SOX5: variants seen among roughly 807,000 people sequenced by gnomAD.
SOX5 encodes transcription factor SOX-5.
Under a neutral mutation model 92.0 loss-of-function variants are expected in SOX5, and 9 were observed. The observed-to-expected ratio is 0.10, with a 90% CI of 0.06 to 0.17. The LOEUF (loss-of-function observed/expected upper bound fraction) is 0.17, where lower values mean the gene tolerates loss of function less well. Among genes scored for constraint, SOX5 ranks in the 10% least tolerant of loss-of-function variants. The pLI, the probability that SOX5 is intolerant of heterozygous loss-of-function variation, is 1.00. For synonymous variants in SOX5, 344 were observed against 336.3 expected (o/e 1.02, Z -0.25); for missense variants, 642 against 944.5 (o/e 0.68, Z 4.20).
intron 10 of SOX5, among the ~76,000 whole-genome samples, chr12:23,570,910 CAAAAAAAAAA>C (rs148593886): frequency 5.0e-3 from 41 of 8,140 alleles, no homozygotes; most frequent in African/African-American, 0.014. Context: ...GACTCCAACT[CAAAAAAAAAA>C]AAAAAAAAAA....
intron 4 of SOX5, among the ~76,000 whole-genome samples, chr12:23,970,234 T>A (rs1366338942): frequency 2.6e-5 from 4 of 151,920 alleles, no homozygotes; most frequent in Non-Finnish European, 4.4e-5. Flanking sequence ...TGACTTCTTT[T>A]TTTTTTGGTT....
rs79599104 is a variant in SOX5, at chr12:23,636,085, C to T, written c.1017+4727G>A. Among the ~76,000 whole-genome samples, 1,267 of 152,178 alleles carry T rather than the reference C, an allele frequency of 8.3e-3. 8 individuals carry two copies. The highest frequency in any genetic ancestry group is 0.013 in the Non-Finnish European group (876 of 68,020). On this transcript the variant is annotated intron_variant, in intron 8 of 14. Coordinates refer to ENST00000451604, the MANE Select transcript of SOX5 (RefSeq NM_006940.6). The stretch of plus-strand genomic sequence containing the variant: ...GTCTGTGAATTTCTGTATATTTCCT[C>T]TTCATAGTCAACAAGCAGTTGGCTA...
intron 4 of SOX5, among the ~76,000 whole-genome samples, chr12:24,122,969 C>A (rs555639706): frequency 1.3e-5 from 2 of 152,166 alleles, no homozygotes; most frequent in African/African-American, 4.8e-5. Flanking sequence ...CAACCAAGGT[C>A]GAGGTTAAAC....
intron 5 of SOX5, among the ~76,000 whole-genome samples, chr12:23,740,236 G>C (rs1195892627): frequency 6.6e-6 from 1 of 152,044 alleles, no homozygotes; most frequent in African/African-American, 2.4e-5. Context: ...TTCCAAACTT[G>C]CTCTTCTGAC....
intron 3 of SOX5, among the ~76,000 whole-genome samples, chr12:23,771,294 C>G (rs2094929747): frequency 6.6e-6 from 1 of 151,844 alleles, no homozygotes; most frequent in Non-Finnish European, 1.5e-5. Flanking sequence ...ATTTGTGTAG[C>G]TGTTAGACAT....
chr12:23,823,170 G>T (rs1256363351), intron 3 of SOX5, among the ~76,000 whole-genome samples: 2 of 152,104 alleles, frequency 1.3e-5, no homozygotes, highest in African/African-American at 4.8e-5. Flanking sequence ...GATGCTAGTT[G>T]GTTATTTTGC....
At chr12:23,651,988 C>A (rs1190666232) in intron 7 of SOX5, among the ~76,000 whole-genome samples, 1 of 151,818 alleles carries the variant, frequency 6.6e-6, no homozygotes, top group Non-Finnish European at 1.5e-5. Context: ...GCACAATTAC[C>A]TCCTATCCTA....
intron 4 of SOX5, among the ~76,000 whole-genome samples, chr12:24,183,120 C>T (rs2139307204): frequency 6.6e-6 from 1 of 152,288 alleles, no homozygotes; most frequent in Non-Finnish European, 1.5e-5. Flanking sequence ...TATTCTAGTA[C>T]CAAATACAAG....
intron 4 of SOX5, among the ~76,000 whole-genome samples, chr12:24,019,055 C>A (rs1238626510): frequency 6.6e-6 from 1 of 152,174 alleles, no homozygotes; most frequent in Non-Finnish European, 1.5e-5. Flanking sequence ...CTCACTACAG[C>A]CTCAACCTTC....
At chr12:24,387,931 C>G (rs1489777525) in intron 1 of SOX5, among the ~76,000 whole-genome samples, 1 of 152,134 alleles carries the variant, frequency 6.6e-6, no homozygotes, top group Non-Finnish European at 1.5e-5. Context: ...CTCACTCTCC[C>G]CATCAAAATG....
In SOX5 at chr12:24,331,666, C is replaced by G. The variant is rs146386621; in HGVS notation, c.-174+36897G>C. On this transcript the variant is annotated intron_variant, in intron 2 of 4. Transcript: ENST00000446891. ...AAATCGAGACCATCCTGGCCAACAT[C>G]ATGAAACCCCACCTCTACTAAAAAT... Among the ~76,000 whole-genome samples, 25 of 151,520 alleles carry G rather than the reference C, an allele frequency of 1.6e-4. 1 individual carries two copies. Among genetic ancestry groups the G allele is most frequent in the East Asian group, 5.8e-4 (3 of 5,150 alleles).
intron 4 of SOX5, among the ~76,000 whole-genome samples, chr12:24,135,934 A>G (rs1365038499): frequency 1.3e-5 from 2 of 152,238 alleles, no homozygotes; most frequent in Non-Finnish European, 2.9e-5. Context: ...TTCATTTGGT[A>G]GATGATATGA....
At chr12:23,726,545 C>G (rs2093145396) in intron 6 of SOX5, among the ~76,000 whole-genome samples, 2 of 152,130 alleles carry the variant, frequency 1.3e-5, no homozygotes. Context: ...GGCCAACATT[C>G]CCAAATCTTT....
intron 8 of SOX5, among the ~76,000 whole-genome samples, chr12:23,607,765 G>A (rs1288072084): frequency 6.6e-6 from 1 of 152,072 alleles, no homozygotes; most frequent in Admixed American, 6.6e-5. Context: ...AGCACCTGGA[G>A]AACTATACAA....
chr12:24,095,882 T>C (rs1423489221), intron 4 of SOX5, among the ~76,000 whole-genome samples: 1 of 152,208 alleles, frequency 6.6e-6, no homozygotes, highest in African/African-American at 2.4e-5. Context: ...TCTGCCATGA[T>C]TGTAAGTTTC....
chr12:23,930,057 T>A (rs1460427445), intron 1 of SOX5, among the ~76,000 whole-genome samples: 2 of 151,830 alleles, frequency 1.3e-5, no homozygotes, highest in East Asian at 3.9e-4. Flanking sequence ...GAGCTCCCTT[T>A]CTCACCCCTC....
chr12:24,465,075 C>T (rs1944079317), intron 1 of SOX5, among the ~76,000 whole-genome samples: 1 of 152,170 alleles, frequency 6.6e-6, no homozygotes, highest in Non-Finnish European at 1.5e-5. Context: ...TACCATGTGC[C>T]AGTAATTGTG....
chr12:23,882,895 T>C (rs2097012760), intron 2 of SOX5, among the ~76,000 whole-genome samples: 1 of 152,058 alleles, frequency 6.6e-6, no homozygotes. Context: ...CTAAAGATAA[T>C]GATAGGGCGG....
chr12:23,964,359 A>C (rs1039987044), intron 4 of SOX5, among the ~76,000 whole-genome samples: 3 of 152,300 alleles, frequency 2.0e-5, no homozygotes, highest in African/African-American at 7.2e-5. Flanking sequence ...ATTCCTTAGA[A>C]AAAGCTGCTT....
Sources: allele counts gnomAD v4.1 joint callset (sites outside exome capture counted in the v4.1 genomes callset), GRCh38; gene constraint gnomAD v4.1.1; transcripts MANE v1.5; gene names NCBI Gene and HGNC (gene_info 2026-07-23, HGNC 2026-07-21).